Variants in RPS6KC1 observed in about 807,000 individuals in gnomAD.
RPS6KC1 encodes inactive ribosomal protein S6 kinase delta-1.
Under a neutral mutation model 103.8 loss-of-function variants are expected in RPS6KC1, and 54 were observed. That is an observed-to-expected ratio of 0.52 (90% confidence interval 0.42 to 0.65). The LOEUF (loss-of-function observed/expected upper bound fraction) is 0.65. Among genes scored for constraint, RPS6KC1 ranks in the 30% least tolerant of loss-of-function variants. RPS6KC1 has a pLI of 0.00. For synonymous variants in RPS6KC1, 439 were observed against 438.7 expected, an observed-to-expected ratio of 1.00 and a Z score of -0.01; for missense variants, 1,151 against 1,253.8, an observed-to-expected ratio of 0.92 and a Z score of 1.24.
At chr1:213,137,777 C>CTA (rs1553340162) in intron 6 of RPS6KC1, among the ~76,000 whole-genome samples, 18 of 63,590 alleles carry the variant, frequency 2.8e-4, no homozygotes, top group African/African-American at 1.8e-3. Context: ...CTCTCTCTCT[C>CTA]TATATATATA....
the RPS6KC1 span, among the ~76,000 whole-genome samples, chr1:213,612,687 A>C: frequency 6.6e-6 from 1 of 152,204 alleles, no homozygotes; most frequent in African/African-American, 2.4e-5. Context: ...TTATAGTCTC[A>C]GTATAAATCC....
At chr1:213,625,537 T>C in the RPS6KC1 span, among the ~76,000 whole-genome samples, 76 of 152,226 alleles carry the variant, frequency 5.0e-4, no homozygotes, top group Admixed American at 5.2e-4. Flanking sequence ...CAGTAACTTG[T>C]CATTTAACAT....
At chr1:213,406,490 G>C in the RPS6KC1 span, among the ~76,000 whole-genome samples, 1 of 152,252 alleles carries the variant, frequency 6.6e-6, no homozygotes, top group East Asian at 1.9e-4. Context: ...TTTCCCTGGA[G>C]GTCAGAGGAA....
chr1:213,174,875 T>C (rs942017232), intron 7 of RPS6KC1, among the ~76,000 whole-genome samples: 1 of 152,158 alleles, frequency 6.6e-6, no homozygotes, highest in African/African-American at 2.4e-5. Context: ...TAAATATTTT[T>C]GAAATGTATC....
the RPS6KC1 span, among the ~76,000 whole-genome samples, chr1:213,638,238 GTTTCT>G: frequency 6.3e-4 from 95 of 151,830 alleles, no homozygotes; most frequent in Middle Eastern, 6.3e-3. Flanking sequence ...TAGCTGGATT[GTTTCT>G]TTTCTTATTG....
downstream of RPS6KC1, among the ~76,000 whole-genome samples, chr1:213,275,427 T>C (rs778461459): frequency 8.5e-5 from 13 of 152,346 alleles, no homozygotes; most frequent in African/African-American, 2.6e-4. Flanking sequence ...CCACTCATCC[T>C]AAGATATAAT....
rs543448061 is a variant in RPS6KC1 at position 213,205,302 on chromosome 1, T to A, written c.1045-25195T>A. On this transcript the variant is annotated intron_variant, in intron 8 of 14. Coordinates refer to ENST00000366960, the MANE Select transcript of RPS6KC1 (RefSeq NM_012424.6). ...AGACAATTGTTACATATTGGGATTC[T>A]GGAAGGACAGCAAGCTAGATAAAGA... The A allele has an allele frequency of 2.1e-3, 2,055 of 984,748 alleles. 2 individuals are homozygous for A. Among genetic ancestry groups the A allele is most frequent in the Non-Finnish European group, 2.4e-3 (1,955 of 829,610 alleles). The allele number at this position is 984,748 out of a possible 1,614,324, so 61.0% of individuals were successfully genotyped here. A position where few individuals can be genotyped will look rare whatever the true frequency, so the allele number is the denominator to read the frequency against.
the RPS6KC1 span, among the ~76,000 whole-genome samples, chr1:213,498,937 G>A: frequency 6.6e-6 from 1 of 151,472 alleles, no homozygotes; most frequent in South Asian, 2.1e-4. Flanking sequence ...CCACTGCCAC[G>A]CTCAGCTGAT....
the RPS6KC1 span, among the ~76,000 whole-genome samples, chr1:213,800,539 G>T: frequency 6.6e-6 from 1 of 152,092 alleles, no homozygotes; most frequent in Non-Finnish European, 1.5e-5. Flanking sequence ...CAGTTAGGAA[G>T]ATATGAGCAT....
the RPS6KC1 span, among the ~76,000 whole-genome samples, chr1:213,643,119 A>G: frequency 6.6e-6 from 1 of 151,848 alleles, no homozygotes; most frequent in Non-Finnish European, 1.5e-5. Context: ...TTCTTTGACA[A>G]TTTTTCTTTC....
chr1:213,482,859 T>C, the RPS6KC1 span, among the ~76,000 whole-genome samples: 7 of 152,178 alleles, frequency 4.6e-5, no homozygotes, highest in African/African-American at 1.2e-4. Flanking sequence ...CTTGTGTTTT[T>C]TGAGATAAGT....
At chr1:213,608,677 A>G in the RPS6KC1 span, among the ~76,000 whole-genome samples, 1 of 152,336 alleles carries the variant, frequency 6.6e-6, no homozygotes, top group East Asian at 1.9e-4. Context: ...ATTTCACCAG[A>G]CATAAATCAC....
chr1:213,809,947 T>G, the RPS6KC1 span, among the ~76,000 whole-genome samples: 1 of 152,258 alleles, frequency 6.6e-6, no homozygotes, highest in Non-Finnish European at 1.5e-5. Context: ...AAATTTTCAC[T>G]GCTAGATTGA....
chr1:213,205,536 T>TATATATATATATA lies in RPS6KC1; in HGVS notation c.1045-24961_1045-24960insATATATATATATA, dbSNP rs1553378413. 22 of 82,318 alleles carry TATATATATATATA rather than the reference T, an allele frequency of 2.7e-4. No homozygotes were observed. The East Asian group carries it at 2.7e-3, about 10-fold the overall frequency. 5.1% of individuals were successfully genotyped at this position (82,318 alleles called of 1,614,324 possible). A position where few individuals can be genotyped will look rare whatever the true frequency, so the allele number is the denominator to read the frequency against. On this transcript the variant is annotated intron_variant, in intron 8 of 14. Transcript: ENST00000366960. ...ATAATGTTAATAACAACAAACTCAT[T>TATATATATATATA]TATATATATAGATATATATATATAT...
intron 8 of RPS6KC1, among the ~76,000 whole-genome samples, chr1:213,219,152 C>A (rs1251908174): frequency 1.3e-5 from 2 of 152,062 alleles, no homozygotes; most frequent in Non-Finnish European, 2.9e-5. Flanking sequence ...CAATGAACTC[C>A]AACAAATTTA....
At chr1:213,710,432 TA>T in the RPS6KC1 span, among the ~76,000 whole-genome samples, 1 of 152,240 alleles carries the variant, frequency 6.6e-6, no homozygotes, top group African/African-American at 2.4e-5. Context: ...ATGAGTCTCC[TA>T]AATACAGCAC....
chr1:213,101,347 A>G (rs1341497337), intron 3 of RPS6KC1, among the ~76,000 whole-genome samples: 1 of 152,206 alleles, frequency 6.6e-6, no homozygotes, highest in Non-Finnish European at 1.5e-5. Context: ...TTGTTCTGAT[A>G]ATAGGATTCA....
chr1:213,464,310 T>C, the RPS6KC1 span, among the ~76,000 whole-genome samples: 1 of 152,302 alleles, frequency 6.6e-6, no homozygotes, highest in Non-Finnish European at 1.5e-5. Flanking sequence ...CCAAAGTTTA[T>C]TGGTTTATTG....
At chr1:213,415,911 A>G in the RPS6KC1 span, among the ~76,000 whole-genome samples, 1 of 152,246 alleles carries the variant, frequency 6.6e-6, no homozygotes, top group African/African-American at 2.4e-5. Context: ...ACATGCTCAT[A>G]CTTGGCAAAG....
Sources: gnomAD v4.1 joint callset for allele counts (sites outside exome capture counted in the v4.1 genomes callset) on GRCh38, gnomAD v4.1.1 for gene constraint, MANE v1.5 for transcripts, NCBI Gene and HGNC (gene_info 2026-07-23, HGNC 2026-07-21) for gene names.